ITGB5: variants seen among roughly 807,000 people sequenced by gnomAD.
The protein encoded by ITGB5 is integrin beta-5.
ITGB5 carries 38 observed loss-of-function variants against 84.8 expected under a neutral mutation model. The ratio of observed to expected loss-of-function variants is 0.45; its 90% CI spans 0.35 to 0.59. The LOEUF (loss-of-function observed/expected upper bound fraction) is 0.59, where lower values mean the gene tolerates loss of function less well. Among genes scored for constraint, ITGB5 ranks in the 20% least tolerant of loss-of-function variants. The pLI is 0.01. For missense variants in ITGB5, 905 were observed against 1,034.5 expected (o/e 0.87, Z 1.72); for synonymous variants, 393 against 414.4 (o/e 0.95, Z 0.63).
chr3:124,775,411 A>G (rs943529140), intron 10 of ITGB5, among the ~76,000 whole-genome samples: 25 of 151,628 alleles, frequency 1.6e-4, no homozygotes, highest in Non-Finnish European at 1.8e-4. Context: ...GGTGTGTTGG[A>G]GTGTGAGTGT....
chr3:124,807,416 C>CAAATAAAT (rs879907993), intron 9 of ITGB5, among the ~76,000 whole-genome samples: 1 of 151,290 alleles, frequency 6.6e-6, no homozygotes, highest in African/African-American at 2.4e-5. Context: ...ACTCTCTCTC[C>CAAATAAAT]AAATAAATAA....
chr3:124,802,024 A>G (rs755319739), intron 9 of ITGB5, among the ~76,000 whole-genome samples: 10 of 152,332 alleles, frequency 6.6e-5, no homozygotes, highest in Non-Finnish European at 1.2e-4. Flanking sequence ...TGGTGCTCTG[A>G]GCCTCAGCTC....
intron 2 of ITGB5, among the ~76,000 whole-genome samples, chr3:124,871,649 G>A (rs185297893): frequency 1.2e-3 from 182 of 152,082 alleles, no homozygotes; most frequent in African/African-American, 4.2e-3. Flanking sequence ...AACATAGAGA[G>A]ATCCCACCTC....
At chr3:124,812,546 C>A (rs1000240424) in intron 8 of ITGB5, among the ~76,000 whole-genome samples, 9 of 152,166 alleles carry the variant, frequency 5.9e-5, no homozygotes, top group African/African-American at 2.2e-4. Flanking sequence ...GAAAAGAGGC[C>A]TTTCTGGGTG....
chr3:124,861,493 T>C (rs201448027), intron 2 of ITGB5, among the ~76,000 whole-genome samples: 257 of 84,958 alleles, frequency 3.0e-3, no homozygotes, highest in Middle Eastern at 6.1e-3. Flanking sequence ...TATATATATA[T>C]ATACACACAC....
intron 1 of ITGB5, among the ~76,000 whole-genome samples, chr3:124,886,151 C>T (rs1934794170): frequency 6.6e-6 from 1 of 152,214 alleles, no homozygotes; most frequent in Admixed American, 6.5e-5. Flanking sequence ...CGGGCTAAGG[C>T]AATCTCCACA....
intron 5 of ITGB5, among the ~76,000 whole-genome samples, chr3:124,827,207 CTCTGT>C (rs1313200815): frequency 6.6e-6 from 1 of 152,178 alleles, no homozygotes; most frequent in African/African-American, 2.4e-5. Context: ...CAAATCTTTG[CTCTGT>C]TCTAACTGTG....
rs1167869646 is a variant in ITGB5, at chr3:124,796,485, C to G, written c.1596G>C (p.Gln532His). 2 of 1,614,140 alleles carry G rather than the reference C, an allele frequency of 1.2e-6. No individual in the cohort carries two copies. The change falls in exon 10 of 15, where the codon CAG becomes CAC. Residue 532 changes from glutamine to histidine, a missense_variant. Transcript: ENST00000296181. ...CSGRGDCSCN[Q>H]CSCFESEFGK... ...CAAACTCGCTCTCGAAGCAGGAGCA[C>G]TGGTTGCAGCTGCAGTCCCCACGCC...
In ITGB5 at chr3:124,866,694, G is replaced by A. The variant is rs532792032; in HGVS notation, c.156+6752C>T. On this transcript the variant is annotated intron_variant, in intron 2 of 14. Coordinates refer to ENST00000296181, the MANE Select transcript of ITGB5 (RefSeq NM_002213.5). ...GCTTCTTGCTAAGGCCGACCTTTCTGGCTGGGATATGGCAGGGCCTGGCCC... is the reference window on the plus strand; with the variant it reads ...GCTTCTTGCTAAGGCCGACCTTTCTAGCTGGGATATGGCAGGGCCTGGCCC... Among the ~76,000 whole-genome samples the A allele has an allele frequency of 6.6e-5, 10 of 152,284 alleles. No homozygotes were observed. In the South Asian group the frequency reaches 2.1e-3, roughly 32 times the overall value.
intron 1 of ITGB5, among the ~76,000 whole-genome samples, chr3:124,885,603 C>T (rs1013766925): frequency 6.6e-6 from 1 of 152,192 alleles, no homozygotes; most frequent in Non-Finnish European, 1.5e-5. Flanking sequence ...AGCAGGGGAG[C>T]GTTGACAACA....
intron 9 of ITGB5, among the ~76,000 whole-genome samples, chr3:124,801,549 C>T (rs1432529760): frequency 6.6e-6 from 1 of 152,182 alleles, no homozygotes; most frequent in Non-Finnish European, 1.5e-5. Context: ...GTCCATCTGG[C>T]TGCCCCTCAT....
intron 9 of ITGB5, among the ~76,000 whole-genome samples, chr3:124,801,429 C>T (rs1366439643): frequency 6.6e-6 from 1 of 152,190 alleles, no homozygotes; most frequent in Non-Finnish European, 1.5e-5. Context: ...TGCCACCTCT[C>T]CTGCTTCTTG....
upstream of ITGB5, chr3:124,887,827 C>T: frequency 3.5e-6 from 1 of 289,494 alleles, no homozygotes; most frequent in Non-Finnish European, 7.4e-6. Flanking sequence ...CGTAGACGCC[C>T]GCGCGTGGAA....
intron 10 of ITGB5, among the ~76,000 whole-genome samples, chr3:124,794,774 T>A (rs1259080930): frequency 6.9e-6 from 1 of 143,926 alleles, no homozygotes; most frequent in Admixed American, 7.1e-5. Context: ...AGAGCGAGAC[T>A]TCATCTCAAA....
chr3:124,870,584 G>T (rs183271972), intron 2 of ITGB5, among the ~76,000 whole-genome samples: 2 of 152,072 alleles, frequency 1.3e-5, no homozygotes, highest in African/African-American at 4.8e-5. Context: ...AAAACTAGCC[G>T]GGTGTGGTGC....
intron 3 of ITGB5, among the ~76,000 whole-genome samples, chr3:124,850,049 C>T (rs1158828420): frequency 6.6e-6 from 1 of 152,102 alleles, no homozygotes; most frequent in Non-Finnish European, 1.5e-5. Flanking sequence ...CGGGTCTACA[C>T]CTGACTTGCC....
chr3:124,894,172 A>C (rs1402911878), intron 1 of ITGB5, among the ~76,000 whole-genome samples: 2 of 108,548 alleles, frequency 1.8e-5, no homozygotes, highest in African/African-American at 7.2e-5. Context: ...TCTCGCTGTC[A>C]CCCAGGCTGG....
At chr3:124,878,951 G>A (rs1460526201) in intron 1 of ITGB5, among the ~76,000 whole-genome samples, 1 of 152,100 alleles carries the variant, frequency 6.6e-6, no homozygotes, top group Admixed American at 6.6e-5. Flanking sequence ...TTCCCAGCTC[G>A]GTGGCAACTC....
At chr3:124,768,303 A>ACAATCAGT (rs1419589696) in intron 12 of ITGB5, among the ~76,000 whole-genome samples, 1 of 152,234 alleles carries the variant, frequency 6.6e-6, no homozygotes, top group Non-Finnish European at 1.5e-5. Flanking sequence ...TTTAAAGTGT[A>ACAATCAGT]CAATCAGTCG....
Sources: gnomAD v4.1 joint callset for allele counts (sites outside exome capture counted in the v4.1 genomes callset) on GRCh38, gnomAD v4.1.1 for gene constraint, MANE v1.5 for transcripts, NCBI Gene and HGNC (gene_info 2026-07-23, HGNC 2026-07-21) for gene names.